ATRNL1: variants seen among roughly 807,000 people sequenced by gnomAD.
ATRNL1 encodes the protein attractin-like protein 1.
A neutral mutation model predicts 182.7 loss-of-function variants in ATRNL1; 95 were observed. The ratio of observed to expected loss-of-function variants is 0.52; its 90% confidence interval spans 0.44 to 0.62. ATRNL1 has a LOEUF of 0.62. Ranked by LOEUF, ATRNL1 falls within the 20% of genes least tolerant of loss-of-function variation. The pLI is 0.00. For missense variants in ATRNL1, 1,471 were observed against 1,679.5 expected (o/e 0.88, Z 2.17); for synonymous variants, 576 against 568.3 (o/e 1.01, Z -0.19).
intron 26 of ATRNL1, among the ~76,000 whole-genome samples, chr10:115,671,763 G>A (rs374980308): frequency 2.0e-5 from 3 of 152,092 alleles, no homozygotes; most frequent in Non-Finnish European, 4.4e-5. Flanking sequence ...GGTTTTTTAC[G>A]AAGTTTGTTT....
intron 27 of ATRNL1, among the ~76,000 whole-genome samples, chr10:115,804,742 G>T (rs1261604640): frequency 3.3e-5 from 5 of 152,158 alleles, no homozygotes; most frequent in Non-Finnish European, 5.9e-5. Context: ...GTAACATCAC[G>T]TAGTGGAGGT....
At chr10:115,780,610 AC>A (rs2134188333) in intron 27 of ATRNL1, among the ~76,000 whole-genome samples, 1 of 152,242 alleles carries the variant, frequency 6.6e-6, no homozygotes, top group Non-Finnish European at 1.5e-5. Flanking sequence ...CAACCTGGAT[AC>A]CAGCTCAGCA....
At chr10:115,921,681 A>G (rs1429091083) in intron 28 of ATRNL1, among the ~76,000 whole-genome samples, 3 of 152,192 alleles carry the variant, frequency 2.0e-5, no homozygotes, top group Non-Finnish European at 4.4e-5. Flanking sequence ...AGTAGTAGAG[A>G]CACCTAAGTA....
chr10:115,677,826 T>G (rs1201519428), intron 26 of ATRNL1, among the ~76,000 whole-genome samples: 10 of 152,122 alleles, frequency 6.6e-5, no homozygotes, highest in African/African-American at 2.4e-4. Context: ...AGCACCACAT[T>G]GAGTCTCTGC....
At chr10:115,620,228 G>A (rs1217634169) in intron 26 of ATRNL1, among the ~76,000 whole-genome samples, 3 of 152,094 alleles carry the variant, frequency 2.0e-5, no homozygotes, top group Admixed American at 2.0e-4. Context: ...GTGGGTGGGA[G>A]AGGTCTCAGA....
chr10:115,251,562 C>T (rs774610093), intron 10 of ATRNL1, among the ~76,000 whole-genome samples: 96 of 152,088 alleles, frequency 6.3e-4, no homozygotes, highest in Non-Finnish European at 1.2e-3. Context: ...AGGAAAGCCA[C>T]GAAATTCTTA....
chr10:115,381,356 T>C (rs1857987145), intron 19 of ATRNL1, among the ~76,000 whole-genome samples: 1 of 151,402 alleles, frequency 6.6e-6, no homozygotes, highest in Middle Eastern at 3.2e-3. Flanking sequence ...AACTTCTGCC[T>C]CCCAGGTTCA....
Position 115,841,768 on chromosome 10 carries a change from G to A in ATRNL1, c.3904-6109G>A, listed in dbSNP as rs141025364. Reference sequence around the variant, plus strand: ...TAAATAAGGAAAGAATATGATTTTCGCTTCCATTTTTTTCCCCAAGCCTAA... The same window carrying A: ...TAAATAAGGAAAGAATATGATTTTCACTTCCATTTTTTTCCCCAAGCCTAA... On this transcript the variant is annotated intron_variant, in intron 27 of 28. Coordinates refer to ENST00000355044, the MANE Select transcript of ATRNL1 (RefSeq NM_207303.4). Among the ~76,000 whole-genome samples the A allele has an allele frequency of 2.0e-4, 31 of 151,686 alleles. No individual in the cohort carries two copies. The East Asian group carries it at 4.1e-3, about 20-fold the overall frequency.
chr10:115,797,257 T>A (rs900503264), intron 27 of ATRNL1, among the ~76,000 whole-genome samples: 2 of 152,174 alleles, frequency 1.3e-5, no homozygotes, highest in African/African-American at 2.4e-5. Context: ...ATGCAGGGCC[T>A]CTTGTTCAAA....
At chr10:115,504,171 C>T (rs1438775335) in intron 24 of ATRNL1, among the ~76,000 whole-genome samples, 1 of 151,806 alleles carries the variant, frequency 6.6e-6, no homozygotes, top group Non-Finnish European at 1.5e-5. Flanking sequence ...TTCTTTTTAT[C>T]ATTTACCTAG....
At chr10:115,392,193 CT>C (rs1844062736) in intron 19 of ATRNL1, among the ~76,000 whole-genome samples, 3 of 152,108 alleles carry the variant, frequency 2.0e-5, no homozygotes, top group African/African-American at 7.2e-5. Flanking sequence ...CCACCATAAT[CT>C]TTTGTCTTCA....
chr10:115,455,541 A>G (rs1847480786), intron 21 of ATRNL1, among the ~76,000 whole-genome samples: 1 of 152,206 alleles, frequency 6.6e-6, no homozygotes, highest in Non-Finnish European at 1.5e-5. Flanking sequence ...CCTAGAAGAA[A>G]ACCTAGGCAA....
At chr10:115,098,407 G>T (rs1332826575) in intron 1 of ATRNL1, among the ~76,000 whole-genome samples, 1 of 147,958 alleles carries the variant, frequency 6.8e-6, no homozygotes, top group Non-Finnish European at 1.5e-5. Context: ...GTCTTTGCTT[G>T]GGTGATTACT....
At chr10:115,634,376 A>G (rs1858724791) in intron 26 of ATRNL1, among the ~76,000 whole-genome samples, 2 of 152,204 alleles carry the variant, frequency 1.3e-5, no homozygotes, top group Non-Finnish European at 2.9e-5. Flanking sequence ...GATGGTTCAA[A>G]CAATGGTGAT....
At chr10:115,312,395 C>G (rs1053562427) in intron 17 of ATRNL1, among the ~76,000 whole-genome samples, 1 of 152,136 alleles carries the variant, frequency 6.6e-6, no homozygotes, top group African/African-American at 2.4e-5. Flanking sequence ...AAATTATTGG[C>G]TGGCAGTTAT....
chr10:115,741,578 A>G (rs1555067683), intron 27 of ATRNL1, among the ~76,000 whole-genome samples: 3 of 152,202 alleles, frequency 2.0e-5, no homozygotes, highest in Non-Finnish European at 4.4e-5. Flanking sequence ...GATTAATTTT[A>G]GAAAGATTAC....
chr10:115,634,037 TC>T (rs2133838271), intron 26 of ATRNL1, among the ~76,000 whole-genome samples: 1 of 152,196 alleles, frequency 6.6e-6, no homozygotes, highest in East Asian at 1.9e-4. Context: ...AAATTTTGTT[TC>T]CTCTTAAGAA....
At chr10:115,606,747 AAAC>A (rs1856896442) in intron 26 of ATRNL1, among the ~76,000 whole-genome samples, 1 of 152,034 alleles carries the variant, frequency 6.6e-6, no homozygotes, top group Non-Finnish European at 1.5e-5. Context: ...GTAAAAGACT[AAAC>A]AAATGCACCC....
chr10:115,366,570 G>T, intron 19 of ATRNL1, among the ~76,000 whole-genome samples: 1 of 150,568 alleles, frequency 6.6e-6, no homozygotes, highest in East Asian at 2.0e-4. Flanking sequence ...TATGATGTTA[G>T]CTGGTGATTT....
Sources: allele counts gnomAD v4.1 joint callset (sites outside exome capture counted in the v4.1 genomes callset), GRCh38; gene constraint gnomAD v4.1.1; transcripts MANE v1.5; gene names NCBI Gene and HGNC (gene_info 2026-07-23, HGNC 2026-07-21).